The following ZNF550 variants were observed in gnomAD, a reference collection of about 807,000 sequenced individuals.
ZNF550 encodes the protein zinc finger protein 550.
A neutral mutation model predicts 40.2 loss-of-function variants in ZNF550; 42 were observed. That is an observed-to-expected ratio of 1.05 (90% CI 0.82 to 1.35). The LOEUF is 1.35. ZNF550 is among the 40% of genes most tolerant of loss of function. The pLI, the probability that ZNF550 is intolerant of heterozygous loss-of-function variation, is 0.00. For synonymous variants in ZNF550, 223 were observed against 198.6 expected (o/e 1.12, Z -1.03); for missense variants, 549 against 525.2 (o/e 1.05, Z -0.44).
exon 4 of ZNF550, chr19:57,546,630 G>A: frequency 1.9e-6 from 2 of 1,039,218 alleles, no homozygotes; most frequent in Non-Finnish European, 2.3e-6. Flanking sequence ...TTTCTGCTCT[G>A]GCCAAAGACT....
chr19:57,548,826 T>G (rs2090047741), intron 3 of ZNF550, among the ~76,000 whole-genome samples: 1 of 152,218 alleles, frequency 6.6e-6, no homozygotes, highest in Non-Finnish European at 1.5e-5. Context: ...TGGAAACAAT[T>G]TAAGGGTCCA....
At position 57,547,166 on chromosome 19, in the gene ZNF550, GTA is replaced by G. The variant is rs1568596550; in HGVS notation, c.1076_1077del (p.Ile359ThrfsTer13). On this transcript the variant is annotated frameshift_variant, in exon 4 of 5. Transcript: ENST00000457177. LOFTEE classifies it high-confidence loss of function. Reference sequence around the variant, plus strand: ...TCCCCAGTGTGAATCCGCTGGTGCTGTATGAGTTCTGAGCTGCATCTGAAGGC... The same window carrying G: ...TCCCCAGTGTGAATCCGCTGGTGCTGTGAGTTCTGAGCTGCATCTGAAGGC... The G allele has an allele frequency of 1.9e-6, 3 of 1,611,462 alleles. No homozygotes were observed. Among genetic ancestry groups the G allele is most frequent in the Non-Finnish European group, 1.7e-6 (2 of 1,177,958 alleles).
chr19:57,543,121 T>C (rs1179904834), exon 5 of ZNF550: 1 of 476,792 alleles, frequency 2.1e-6, no homozygotes, highest in African/African-American at 2.1e-5. Context: ...AGGATTTCTC[T>C]TCCAAATCAC....
chr19:57,557,459 C>T (rs2090132572), intron 1 of ZNF550: 3 of 152,026 alleles, frequency 2.0e-5, no homozygotes, highest in Admixed American at 2.0e-4. Context: ...TGACCCTCTC[C>T]CCACTCATTA....
intron 4 of ZNF550, chr19:57,544,392 T>C: frequency 7.1e-6 from 7 of 985,448 alleles, no homozygotes; most frequent in Non-Finnish European, 8.4e-6. Flanking sequence ...TCCTCAGGCC[T>C]GGAAAGAACC....
rs141767608 is a variant in ZNF550, at chr19:57,554,937, C to T, written c.154+1294G>A. On this transcript the variant is annotated intron_variant, in intron 2 of 4. Coordinates refer to ENST00000457177, the Ensembl canonical transcript of ZNF550. The surrounding 1 kb of genome is among the most constrained non-coding windows in gnomAD (Gnocchi z 4.5). Reference sequence around the variant, plus strand: ...TCCTGAGATGCCCTCTTTGGAACTCCCACAATAGGTTATGACATCCTGCTT... The same window carrying T: ...TCCTGAGATGCCCTCTTTGGAACTCTCACAATAGGTTATGACATCCTGCTT... The T allele has an allele frequency of 0.021, 3,136 of 152,326 alleles. 35 individuals are homozygous for T. The highest frequency in any genetic ancestry group is 0.034 in the Non-Finnish European group (2,285 of 68,040). The allele number at this position is 152,326 out of a possible 1,614,324, so 9.4% of individuals were successfully genotyped here.
intron 1 of ZNF550, among the ~76,000 whole-genome samples, chr19:57,558,212 C>G (rs987665561): frequency 6.6e-6 from 1 of 152,162 alleles, no homozygotes; most frequent in African/African-American, 2.4e-5. Context: ...ACTGCAGCCC[C>G]GCAGAGACCT....
intron 4 of ZNF550, chr19:57,544,342 A>G (rs1222848060): frequency 1.0e-6 from 1 of 985,356 alleles, no homozygotes; most frequent in Non-Finnish European, 1.2e-6. Context: ...CCTTTATCCC[A>G]TGGAAAACAC....
intron 2 of ZNF550, 148 bp downstream of exon 2, chr19:57,556,083 A>G: frequency 1.9e-6 from 2 of 1,033,136 alleles, no homozygotes; most frequent in South Asian, 1.4e-5. Context: ...TACCCCGACA[A>G]TCTCTGATGC....
chr19:57,559,622 G>A (rs966200783), intron 1 of ZNF550, 34 bp downstream of exon 1: 8 of 1,467,908 alleles, frequency 5.4e-6, no homozygotes, highest in Non-Finnish European at 6.4e-6. Context: ...CACTGAGGCC[G>A]GGTGGCCGCG....
chr19:57,556,751 T>C (rs2090125191), intron 1 of ZNF550: 1 of 196,358 alleles, frequency 5.1e-6, no homozygotes. Context: ...TGTGTCTATG[T>C]AGAAAAAGGA....
chr19:57,556,244 A>G (rs775673137), exon 2 of ZNF550: 1 of 1,614,034 alleles, frequency 6.2e-7, no homozygotes, highest in Non-Finnish European at 8.5e-7. Context: ...GTGAAACCAG[A>G]AGCCCACAGG....
At chr19:57,544,226 G>A (rs2089987810) in intron 4 of ZNF550, 2 of 985,464 alleles carry the variant, frequency 2.0e-6, no homozygotes, top group Non-Finnish European at 2.4e-6. Context: ...GGTGTCTCAT[G>A]AGATTCTTGC....
chr19:57,543,199 G>A (rs375653161), exon 5 of ZNF550: 111 of 952,352 alleles, frequency 1.2e-4, no homozygotes, highest in African/African-American at 4.2e-4. Context: ...TTTTTATTCC[G>A]TCAGCAATTT....
chr19:57,556,441 G>A (rs1177155628), intron 1 of ZNF550, 84 bp from the exon 2 acceptor site: 1 of 1,518,370 alleles, frequency 6.6e-7, no homozygotes, highest in Non-Finnish European at 8.9e-7. Context: ...TAGTCAATGT[G>A]CAGAGAGATC....
chr19:57,552,699 A>G, exon 3 of ZNF550: 1 of 1,598,350 alleles, frequency 6.3e-7, no homozygotes, highest in Non-Finnish European at 8.5e-7. Flanking sequence ...AGGTGGACCA[A>G]CTCTGGTTTG....
chr19:57,549,819 T>C (rs999883378), intron 3 of ZNF550, among the ~76,000 whole-genome samples: 28 of 152,196 alleles, frequency 1.8e-4, no homozygotes, highest in African/African-American at 6.5e-4. Context: ...GTTTCTGCTG[T>C]GTCAGGAGGC....
chr19:57,552,929 C>A (rs936030928), intron 2 of ZNF550: 2 of 540,308 alleles, frequency 3.7e-6, no homozygotes, highest in African/African-American at 3.8e-5. Flanking sequence ...TGCCCTAACA[C>A]CCAACGTGAC....
At chr19:57,548,314 C>T (rs146195601) in intron 3 of ZNF550, among the ~76,000 whole-genome samples, 106 of 152,176 alleles carry the variant, frequency 7.0e-4, no homozygotes, top group Non-Finnish European at 1.2e-3. Context: ...AAGAATTGAA[C>T]GCTTACATCC....
Sources: gnomAD v4.1 joint callset for allele counts (sites outside exome capture counted in the v4.1 genomes callset) on GRCh38, gnomAD v4.1.1 for gene constraint, Gnocchi (gnomAD v3.1) non-coding constraint, MANE v1.5 for transcripts, NCBI Gene and HGNC (gene_info 2026-07-23, HGNC 2026-07-21) for gene names.